FAM107B: variants seen among roughly 807,000 people sequenced by gnomAD.
The protein encoded by FAM107B is protein FAM107B.
FAM107B carries 21 observed loss-of-function variants against 31.5 expected under a neutral mutation model. The observed-to-expected ratio is 0.67, with a 90% CI of 0.47 to 0.96. The LOEUF is 0.96. Among genes scored for constraint, FAM107B ranks in the 40% least tolerant of loss-of-function variants. The pLI is 0.00. For missense variants in FAM107B, 452 were observed against 377.1 expected (o/e 1.20, Z -1.64); for synonymous variants, 157 against 141.5 (o/e 1.11, Z -0.78).
chr10:14,676,081 C>G (rs1854675933), intron 1 of FAM107B, among the ~76,000 whole-genome samples: 1 of 152,120 alleles, frequency 6.6e-6, no homozygotes, highest in African/African-American at 2.4e-5. Context: ...TCACTTGAGC[C>G]TGGGGAGGTC....
chr10:14,722,729 T>C (rs1378398796), intron 1 of FAM107B, among the ~76,000 whole-genome samples: 1 of 152,156 alleles, frequency 6.6e-6, no homozygotes, highest in Non-Finnish European at 1.5e-5. Flanking sequence ...TTATCAGATA[T>C]ATAATTTGCA....
intron 2 of FAM107B, among the ~76,000 whole-genome samples, chr10:14,646,413 G>T (rs1853756324): frequency 6.6e-6 from 1 of 152,198 alleles, no homozygotes. Flanking sequence ...CCATTTAGGA[G>T]TGAGAACATG....
At chr10:14,634,123 G>A (rs1853436551) in intron 2 of FAM107B, among the ~76,000 whole-genome samples, 1 of 152,124 alleles carries the variant, frequency 6.6e-6, no homozygotes, top group South Asian at 2.1e-4. Flanking sequence ...CAGGCCAGGC[G>A]CTGTGGCTCA....
At chr10:14,762,746 ACT>A (rs1029091970) in intron 1 of FAM107B, among the ~76,000 whole-genome samples, 19 of 134,562 alleles carry the variant, frequency 1.4e-4, no homozygotes, top group African/African-American at 5.5e-4. Flanking sequence ...ACAGAGTGAA[ACT>A]CTGTCTCACA....
intron 1 of FAM107B, among the ~76,000 whole-genome samples, chr10:14,764,306 T>C (rs1833118587): frequency 6.6e-6 from 1 of 152,256 alleles, no homozygotes; most frequent in Admixed American, 6.5e-5. Flanking sequence ...TACAGGACTG[T>C]GCACGTAACT....
chr10:14,626,871 G>T (rs188172189), intron 2 of FAM107B, among the ~76,000 whole-genome samples: 2 of 152,056 alleles, frequency 1.3e-5, no homozygotes, highest in Non-Finnish European at 2.9e-5. Flanking sequence ...GCACATTGTC[G>T]ATGGCCTCTG....
intron 1 of FAM107B, among the ~76,000 whole-genome samples, chr10:14,738,006 T>A (rs1291832278): frequency 6.6e-6 from 1 of 151,994 alleles, no homozygotes; most frequent in Admixed American, 6.6e-5. Flanking sequence ...ATGCCACCAC[T>A]CTAGAGTGTT....
In FAM107B at chr10:14,774,505, A is replaced by T; in HGVS notation, c.159T>A (p.Arg53=). Residue 53 remains arginine, a synonymous_variant, in exon 1 of 5, where the codon CGT becomes CGA. Coordinates refer to ENST00000181796, the MANE Select transcript of FAM107B (RefSeq NM_031453.4). ...SGVADTHSTV[R]VQPVAKAGRQ... is the part of the protein sequence containing the mutation. The stretch of plus-strand genomic sequence containing the variant: ...TGCCTGCTTTGGCCACAGGCTGCAC[A>T]CGGACGGTGGAATGAGTATCAGCCA... 6.2e-7 allele frequency: 1 copy of T among 1,614,164 alleles called. No homozygotes were observed.
chr10:14,696,870 G>C (rs1205986934), intron 1 of FAM107B, among the ~76,000 whole-genome samples: 1 of 152,116 alleles, frequency 6.6e-6, no homozygotes, highest in African/African-American at 2.4e-5. Flanking sequence ...GGGACACTGT[G>C]GTTCAATTTC....
intron 1 of FAM107B, among the ~76,000 whole-genome samples, chr10:14,754,760 T>G (rs1358576794): frequency 2.0e-5 from 3 of 152,242 alleles, no homozygotes; most frequent in Admixed American, 2.0e-4. Context: ...CTGTGATTTG[T>G]GCCTGTAAGA....
intron 1 of FAM107B, among the ~76,000 whole-genome samples, chr10:14,669,655 A>C (rs1854496076): frequency 6.6e-6 from 1 of 152,228 alleles, no homozygotes; most frequent in Non-Finnish European, 1.5e-5. Flanking sequence ...TGGAAAGATA[A>C]ATATCTGTTT....
chr10:14,740,505 A>G lies in FAM107B; in HGVS notation c.411+33748T>C, dbSNP rs74122978. ...GATTTTAGGGCAGTGAAACTATCCT[A>G]TATGATACTGTCATGGTGGAAAAGT... On this transcript the variant is annotated intron_variant, in intron 1 of 4. Transcript: ENST00000181796. Among the ~76,000 whole-genome samples the G allele has an allele frequency of 6.9e-3, 1,048 of 152,340 alleles. 10 individuals carry two copies. Among genetic ancestry groups the G allele is most frequent in the African/African-American group, 0.024 (992 of 41,578 alleles).
chr10:14,562,033 G>T (rs534140125), intron 2 of FAM107B, among the ~76,000 whole-genome samples: 3 of 152,158 alleles, frequency 2.0e-5, no homozygotes, highest in Non-Finnish European at 2.9e-5. Flanking sequence ...CGATCCACCC[G>T]CCTTGGCCTC....
chr10:14,739,452 A>T (rs1295391927), intron 1 of FAM107B, among the ~76,000 whole-genome samples: 1 of 152,216 alleles, frequency 6.6e-6, no homozygotes, highest in Non-Finnish European at 1.5e-5. Flanking sequence ...CCTGCCAGGC[A>T]TCCATGATCC....
At chr10:14,739,554 T>A (rs1176221387) in intron 1 of FAM107B, among the ~76,000 whole-genome samples, 3 of 152,190 alleles carry the variant, frequency 2.0e-5, no homozygotes, top group Non-Finnish European at 2.9e-5. Context: ...ATTTTACTCC[T>A]GGAATGTGTG....
intron 1 of FAM107B, among the ~76,000 whole-genome samples, chr10:14,691,792 G>A (rs1294113221): frequency 2.0e-5 from 3 of 151,658 alleles, no homozygotes; most frequent in Non-Finnish European, 4.4e-5. Context: ...TACTCAGGAG[G>A]CTGAGGCAGG....
chr10:14,643,259 A>G (rs1205156434), intron 2 of FAM107B, among the ~76,000 whole-genome samples: 7 of 152,090 alleles, frequency 4.6e-5, no homozygotes, highest in Admixed American at 4.6e-4. Flanking sequence ...TGGCAGGCTT[A>G]AAACCCAAGA....
chr10:14,571,735 A>G (rs1851244292), intron 2 of FAM107B: 1 of 975,934 alleles, frequency 1.0e-6, no homozygotes, highest in Non-Finnish European at 1.2e-6. Context: ...TTCAACAGCC[A>G]TAGAAAAGTC....
chr10:14,737,615 AAAACAAACAAAC>A (rs557002907), intron 1 of FAM107B, among the ~76,000 whole-genome samples: 4 of 151,548 alleles, frequency 2.6e-5, no homozygotes, highest in Non-Finnish European at 5.9e-5. Context: ...CTCGGCCTCC[AAAACAAACAAAC>A]AAACAAACAA....
Sources: allele counts gnomAD v4.1 joint callset (sites outside exome capture counted in the v4.1 genomes callset), GRCh38; gene constraint gnomAD v4.1.1; transcripts MANE v1.5; gene names NCBI Gene and HGNC (gene_info 2026-07-23, HGNC 2026-07-21).